ANO2: variants seen among roughly 807,000 people sequenced by gnomAD.
ANO2 encodes anoctamin-2.
ANO2 carries 101 observed loss-of-function variants against 124.2 expected under a neutral mutation model. The observed-to-expected ratio is 0.81, with a 90% confidence interval of 0.69 to 0.96. The LOEUF (loss-of-function observed/expected upper bound fraction) is 0.96. Among genes scored for constraint, ANO2 ranks in the 40% least tolerant of loss-of-function variants. The pLI is 0.00. For synonymous variants in ANO2, 486 were observed against 482.5 expected, an observed-to-expected ratio of 1.01 and a Z score of -0.09; for missense variants, 1,293 against 1,274.5, an observed-to-expected ratio of 1.01 and a Z score of -0.22.
intron 15 of ANO2, among the ~76,000 whole-genome samples, chr12:5,639,242 T>C (rs1437649323): frequency 1.3e-5 from 2 of 152,182 alleles, no homozygotes; most frequent in African/African-American, 2.4e-5. Flanking sequence ...GTAGCTCAAG[T>C]ATAAAAATAC....
At chr12:5,602,457 T>C (rs1176086603) in intron 19 of ANO2, among the ~76,000 whole-genome samples, 4 of 138,014 alleles carry the variant, frequency 2.9e-5, no homozygotes, top group Non-Finnish European at 5.0e-5. Context: ...TTTCACCATA[T>C]TGCCCATGCT....
chr12:5,661,491 C>T (rs982312103), intron 14 of ANO2, among the ~76,000 whole-genome samples: 2 of 152,116 alleles, frequency 1.3e-5, no homozygotes, highest in Admixed American at 6.5e-5. Flanking sequence ...CTAAGGGGTG[C>T]CTATAGCTTA....
chr12:5,640,877 C>G (rs560126530), intron 15 of ANO2, among the ~76,000 whole-genome samples: 1 of 152,182 alleles, frequency 6.6e-6, no homozygotes, highest in Non-Finnish European at 1.5e-5. Context: ...CTACTGGGTA[C>G]ATACCCAAAG....
intron 7 of ANO2, among the ~76,000 whole-genome samples, chr12:5,819,470 C>T (rs1453927440): frequency 6.6e-6 from 1 of 152,124 alleles, no homozygotes; most frequent in Non-Finnish European, 1.5e-5. Context: ...ATGTTGCAGC[C>T]TGGGGAGTTA....
At chr12:5,798,084 A>T (rs1330950322) in intron 10 of ANO2, among the ~76,000 whole-genome samples, 1 of 152,116 alleles carries the variant, frequency 6.6e-6, no homozygotes, top group African/African-American at 2.4e-5. Context: ...ACAAAAACAA[A>T]TGAGTAGTTG....
At position 5,928,485 on chromosome 12, in the gene ANO2, C is replaced by CTTA. The variant is rs1399025820; in HGVS notation, c.23-5682_23-5681insTAA. Among the ~76,000 whole-genome samples, 25 of 113,612 alleles carry CTTA rather than the reference C, an allele frequency of 2.2e-4. 1 individual carries two copies. The highest frequency in any genetic ancestry group is 3.9e-4 in the Admixed American group (4 of 10,362). 74.5% of individuals were successfully genotyped at this position (113,612 alleles called of 152,430 possible). A position where few individuals can be genotyped will look rare whatever the true frequency, so the allele number is the denominator to read the frequency against. ...TTTCCTTCGTCACTAGTCTACTTTC[C>CTTA]TTCCTCACTGGTCTACTTTCCTTCC... On this transcript the variant is annotated intron_variant, in intron 1 of 24. Coordinates refer to ENST00000682330, the MANE Select transcript of ANO2 (RefSeq NM_001364791.2).
chr12:5,905,450 C>G (rs1190690084), intron 3 of ANO2, among the ~76,000 whole-genome samples: 2 of 152,120 alleles, frequency 1.3e-5, no homozygotes, highest in Admixed American at 6.5e-5. Flanking sequence ...ACTTCAAAAG[C>G]AGAAGTACAG....
At chr12:5,608,717 T>C (rs1944336082) in intron 19 of ANO2, 1 of 152,226 alleles carries the variant, frequency 6.6e-6, no homozygotes, top group South Asian at 2.1e-4. Flanking sequence ...ACATCAGTCA[T>C]AAACAAGAAA....
At chr12:5,901,398 T>C (rs928861998) in intron 3 of ANO2, among the ~76,000 whole-genome samples, 1 of 152,132 alleles carries the variant, frequency 6.6e-6, no homozygotes, top group African/African-American at 2.4e-5. Flanking sequence ...CAGCTGTTCT[T>C]TGCCTCCCTG....
chr12:5,823,980 T>C (rs1309440890), intron 7 of ANO2, among the ~76,000 whole-genome samples: 1 of 152,228 alleles, frequency 6.6e-6, no homozygotes, highest in Non-Finnish European at 1.5e-5. Flanking sequence ...AGCTGTATGT[T>C]GGCCCCTTTC....
At chr12:5,882,002 G>C (rs891020529) in intron 3 of ANO2, among the ~76,000 whole-genome samples, 1 of 152,232 alleles carries the variant, frequency 6.6e-6, no homozygotes, top group Admixed American at 6.5e-5. Flanking sequence ...GTGGGTGGGT[G>C]GCTAGAGAAG....
intron 20 of ANO2, among the ~76,000 whole-genome samples, chr12:5,582,005 C>T (rs902118708): frequency 6.6e-6 from 1 of 152,226 alleles, no homozygotes; most frequent in Non-Finnish European, 1.5e-5. Context: ...AAATCCAAGA[C>T]TCGCTCTTTT....
chr12:5,922,311 G>A (rs981355257), intron 2 of ANO2, among the ~76,000 whole-genome samples: 5 of 152,208 alleles, frequency 3.3e-5, no homozygotes, highest in Non-Finnish European at 7.3e-5. Context: ...GAGACTCAGA[G>A]CCACCATAGC....
chr12:5,851,982 G>T, intron 4 of ANO2: 1 of 733,362 alleles, frequency 1.4e-6, no homozygotes, highest in South Asian at 1.4e-5. Flanking sequence ...CAGCAGCAGA[G>T]ATTAAAACAT....
At chr12:5,748,466 A>C (rs1229078401) in intron 11 of ANO2, among the ~76,000 whole-genome samples, 1 of 152,212 alleles carries the variant, frequency 6.6e-6, no homozygotes, top group Non-Finnish European at 1.5e-5. Context: ...TTCTCTGCTT[A>C]TTAGAAAAAG....
intron 16 of ANO2, among the ~76,000 whole-genome samples, chr12:5,624,341 T>C (rs1206846815): frequency 6.6e-6 from 1 of 152,074 alleles, no homozygotes; most frequent in Non-Finnish European, 1.5e-5. Flanking sequence ...TCCTCCTATA[T>C]CCAGCACCTA....
chr12:5,746,939 G>C (rs1409916544), intron 11 of ANO2, among the ~76,000 whole-genome samples: 2 of 152,198 alleles, frequency 1.3e-5, no homozygotes, highest in Non-Finnish European at 2.9e-5. Context: ...GTAGAGACAG[G>C]GAAGTTCTAT....
At chr12:5,842,268 A>G (rs1743099356) in intron 4 of ANO2, among the ~76,000 whole-genome samples, 1 of 152,120 alleles carries the variant, frequency 6.6e-6, no homozygotes, top group African/African-American at 2.4e-5. Flanking sequence ...CCACTATATC[A>G]CCAGCCCTCA....
intron 10 of ANO2, among the ~76,000 whole-genome samples, chr12:5,772,073 C>A (rs1045195973): frequency 2.6e-5 from 4 of 151,982 alleles, no homozygotes; most frequent in African/African-American, 7.2e-5. Context: ...TATTGCTTTA[C>A]TTTTTACCCA....
Sources: allele counts gnomAD v4.1 joint callset (sites outside exome capture counted in the v4.1 genomes callset), GRCh38; gene constraint gnomAD v4.1.1; transcripts MANE v1.5; gene names NCBI Gene and HGNC (gene_info 2026-07-23, HGNC 2026-07-21).